Variants in SLC4A4 observed in about 807,000 individuals in gnomAD.
SLC4A4 encodes solute carrier family 4 member 4, also known as electrogenic sodium bicarbonate cotransporter 1.
A neutral mutation model predicts 111.5 loss-of-function variants in SLC4A4; 27 were observed. That is an observed-to-expected ratio of 0.24 (90% confidence interval 0.18 to 0.33). The LOEUF is 0.33. Ranked by LOEUF, SLC4A4 falls within the 10% of genes least tolerant of loss-of-function variation. SLC4A4 has a pLI of 1.00. For synonymous variants in SLC4A4, 443 were observed against 463.4 expected, an observed-to-expected ratio of 0.96 and a Z score of 0.57; for missense variants, 909 against 1,315.5, an observed-to-expected ratio of 0.69 and a Z score of 4.78.
chr4:71,557,671 T>C, intron 21 of SLC4A4, 41 bp from the exon 22 acceptor site: 1 of 1,585,620 alleles, frequency 6.3e-7, no homozygotes, highest in Non-Finnish European at 8.7e-7. Context: ...GGAAATGTAA[T>C]GCAGTAATGC....
chr4:71,479,380 G>C (rs949723997), intron 14 of SLC4A4, among the ~76,000 whole-genome samples: 1 of 151,598 alleles, frequency 6.6e-6, no homozygotes, highest in Non-Finnish European at 1.5e-5. Flanking sequence ...GTTGTCACTG[G>C]AGTTTCAACA....
Position 71,176,115 on chromosome 4 carries a change from G to A in SLC4A4, c.-1-60461G>A, listed in dbSNP as rs555020669. Among the ~76,000 whole-genome samples the A allele has an allele frequency of 2.6e-5, 4 of 152,290 alleles. No homozygotes were observed. In the South Asian group the frequency reaches 8.3e-4, roughly 32 times the overall value. On this transcript the variant is annotated intron_variant, in intron 2 of 26. Transcript: ENST00000649996. ...ACTCCAACAGACCTGCAGCAGCTGA[G>A]GGTCCTGACTGTTAGAAGGAAAACG...
intron 2 of SLC4A4, among the ~76,000 whole-genome samples, chr4:71,100,313 A>G (rs932294207): frequency 6.6e-6 from 1 of 152,116 alleles, no homozygotes; most frequent in Non-Finnish European, 1.5e-5. Context: ...CAAATCAATA[A>G]ATGTGATTCA....
intron 3 of SLC4A4, among the ~76,000 whole-genome samples, chr4:71,263,857 G>A (rs1722045718): frequency 6.6e-6 from 1 of 151,968 alleles, no homozygotes; most frequent in Admixed American, 6.6e-5. Context: ...AAAACATGAA[G>A]GTAAGTGTTG....
In SLC4A4 at chr4:71,453,730, C is replaced by A. The variant is rs558746688; in HGVS notation, c.1497+61C>A. The A allele has an allele frequency of 3.3e-6, 5 of 1,495,236 alleles. No individual in the cohort carries two copies. In the African/African-American group the frequency reaches 6.9e-5, roughly 21 times the overall value. 92.6% of individuals were successfully genotyped at this position (1,495,236 alleles called of 1,614,324 possible). ...GCCCAGATTGCCTTCCTCACCCCTA[C>A]AGCTCAGTTAGAAGCAGATGGCCTT... On this transcript the variant is annotated intron_variant, in intron 12 of 25. Coordinates refer to ENST00000264485, the MANE Select transcript of SLC4A4 (RefSeq NM_001098484.3).
intron 6 of SLC4A4, among the ~76,000 whole-genome samples, chr4:71,365,821 T>C (rs1459767489): frequency 6.6e-6 from 1 of 152,186 alleles, no homozygotes; most frequent in Non-Finnish European, 1.5e-5. Context: ...AATGTATATA[T>C]CATTTCAGAT....
chr4:71,225,243 T>C (rs1036602151), intron 1 of SLC4A4, among the ~76,000 whole-genome samples: 9 of 152,070 alleles, frequency 5.9e-5, no homozygotes, highest in Admixed American at 3.9e-4. Context: ...TCCCAGCTAC[T>C]TGGGAGGCTG....
At chr4:71,422,451 A>G (rs965516532) in intron 7 of SLC4A4, among the ~76,000 whole-genome samples, 36 of 151,464 alleles carry the variant, frequency 2.4e-4, no homozygotes, top group Non-Finnish European at 3.7e-4. Flanking sequence ...TATTCCAATC[A>G]ATAGAAAAAG....
chr4:71,385,189 A>ATTT lies in SLC4A4; in HGVS notation c.731-12387_731-12386insTTT, dbSNP rs1194914064. Among the ~76,000 whole-genome samples, 46 of 14,966 alleles carry ATTT rather than the reference A, an allele frequency of 3.1e-3. 1 individual carries two copies. Among genetic ancestry groups the ATTT allele is most frequent in the African/African-American group, 5.0e-3 (41 of 8,264 alleles). The allele number at this position is 14,966 out of a possible 152,430, so 9.8% of individuals were successfully genotyped here. A position where few individuals can be genotyped will look rare whatever the true frequency, so the allele number is the denominator to read the frequency against. Reference sequence around the variant, plus strand: ...GTTAGATTTATATATATATATATATATATTTTTTTTTTTTTTTTTTTTTTT... The same window carrying ATTT: ...GTTAGATTTATATATATATATATATATTTTATTTTTTTTTTTTTTTTTTTTTTT... On this transcript the variant is annotated intron_variant, in intron 6 of 25. Coordinates refer to ENST00000264485, the MANE Select transcript of SLC4A4 (RefSeq NM_001098484.3).
chr4:71,538,584 G>A (rs913262516), intron 18 of SLC4A4, among the ~76,000 whole-genome samples: 10 of 152,120 alleles, frequency 6.6e-5, no homozygotes, highest in African/African-American at 2.2e-4. Context: ...GTCTAAAATT[G>A]TAAAGGGCCT....
rs1406897939 is a variant in SLC4A4, at chr4:71,571,353, A to T, written c.*3602A>T. 1 of 152,240 alleles carries T rather than the reference A, an allele frequency of 6.6e-6. No homozygotes were observed. Among genetic ancestry groups the T allele is most frequent in the Non-Finnish European group, 1.5e-5 (1 of 67,888 alleles). 9.4% of individuals were successfully genotyped at this position (152,240 alleles called of 1,614,324 possible). A position where few individuals can be genotyped will look rare whatever the true frequency, so the allele number is the denominator to read the frequency against. On this transcript the variant is annotated 3_prime_UTR_variant, in exon 26 of 26. Transcript: ENST00000264485. ...ATATTTCACATTTGCTCTTCACAGC[A>T]TGAGCATGAAGCCCAGTGGCACCAA...
intron 18 of SLC4A4, 117 bp from the exon 19 acceptor site, chr4:71,546,233 A>C (rs1484399615): frequency 5.7e-6 from 5 of 879,230 alleles, no homozygotes; most frequent in Non-Finnish European, 9.5e-6. Context: ...CAAGGAGTTT[A>C]ACTTACCAAG....
intron 14 of SLC4A4, chr4:71,473,212 T>G: frequency 1.6e-6 from 1 of 640,956 alleles, no homozygotes; most frequent in East Asian, 2.7e-5. Flanking sequence ...ATTTTGAAAT[T>G]AACTCAAACT....
At chr4:71,178,963 C>G (rs1745192317) in intron 2 of SLC4A4, among the ~76,000 whole-genome samples, 1 of 152,190 alleles carries the variant, frequency 6.6e-6, no homozygotes, top group African/African-American at 2.4e-5. Flanking sequence ...CAATAAAATA[C>G]TGGCAAACCG....
At chr4:71,130,865 T>C (rs1290110250) in intron 2 of SLC4A4, among the ~76,000 whole-genome samples, 2 of 152,122 alleles carry the variant, frequency 1.3e-5, no homozygotes, top group East Asian at 1.9e-4. Flanking sequence ...AGGGGAGATA[T>C]CTTTGTAGTT....
intron 3 of SLC4A4, among the ~76,000 whole-genome samples, chr4:71,302,956 CT>C (rs1725387951): frequency 6.6e-6 from 1 of 152,098 alleles, no homozygotes; most frequent in Non-Finnish European, 1.5e-5. Context: ...GACTTTTTCA[CT>C]TTTTGTAGTA....
At chr4:71,184,895 C>A (rs1300120747), upstream of SLC4A4, among the ~76,000 whole-genome samples, 1 of 152,192 alleles carries the variant, frequency 6.6e-6, no homozygotes, top group Non-Finnish European at 1.5e-5. Context: ...TGTGGGATAG[C>A]AAACATCAAG....
chr4:71,121,991 A>G lies in SLC4A4; in HGVS notation c.-2+29199A>G, dbSNP rs182183726. Reference sequence around the variant, plus strand: ...CAGACGCGCTTCCTTAAGAGCTGTAACACTCACTGTGAAGGTCTGCAGCTT... The same window carrying G: ...CAGACGCGCTTCCTTAAGAGCTGTAGCACTCACTGTGAAGGTCTGCAGCTT... On this transcript the variant is annotated intron_variant, in intron 2 of 26. Transcript: ENST00000649996. Among the ~76,000 whole-genome samples, 24 of 152,248 alleles carry G rather than the reference A, an allele frequency of 1.6e-4. No homozygotes were observed. The East Asian group carries it at 4.6e-3, about 29-fold the overall frequency.
chr4:71,277,351 TG>T (rs1723144584), intron 3 of SLC4A4, among the ~76,000 whole-genome samples: 2 of 152,200 alleles, frequency 1.3e-5, no homozygotes, highest in Non-Finnish European at 2.9e-5. Flanking sequence ...AGTTGTATAG[TG>T]ATAATCTTGT....
Sources: allele counts gnomAD v4.1 joint callset (sites outside exome capture counted in the v4.1 genomes callset), GRCh38; gene constraint gnomAD v4.1.1; transcripts MANE v1.5; gene names NCBI Gene and HGNC (gene_info 2026-07-23, HGNC 2026-07-21).